SLC24A2: variants seen among roughly 807,000 people sequenced by gnomAD.
The protein encoded by SLC24A2 is sodium/potassium/calcium exchanger 2.
SLC24A2 carries 36 observed loss-of-function variants against 62.0 expected under a neutral mutation model. The ratio of observed to expected loss-of-function variants is 0.58; its 90% CI spans 0.44 to 0.77. The LOEUF (loss-of-function observed/expected upper bound fraction) is 0.77. SLC24A2 is among the 30% of genes least tolerant of loss of function. The pLI, the probability that SLC24A2 is intolerant of heterozygous loss-of-function variation, is 0.00. For missense variants in SLC24A2, 846 were observed against 817.9 expected (o/e 1.03, Z -0.42); for synonymous variants, 358 against 294.0 (o/e 1.22, Z -2.23).
At chr9:19,943,561 G>A in the SLC24A2 span, among the ~76,000 whole-genome samples, 1 of 152,012 alleles carries the variant, frequency 6.6e-6, no homozygotes, top group South Asian at 2.1e-4. Context: ...TGCACTATTA[G>A]TTGCTAGCAA....
the SLC24A2 span, among the ~76,000 whole-genome samples, chr9:20,280,436 A>G: frequency 6.6e-6 from 1 of 152,184 alleles, no homozygotes; most frequent in African/African-American, 2.4e-5. Flanking sequence ...TTAGCAGCCA[A>G]TACAGCCCTA....
At chr9:19,664,596 T>A (rs1819195954) in intron 2 of SLC24A2, among the ~76,000 whole-genome samples, 1 of 152,234 alleles carries the variant, frequency 6.6e-6, no homozygotes, top group South Asian at 2.1e-4. Context: ...TACCTGTGAA[T>A]ATGACCTTAT....
chr9:19,520,195 G>C (rs751138980), intron 10 of SLC24A2, among the ~76,000 whole-genome samples: 1 of 152,154 alleles, frequency 6.6e-6, no homozygotes, highest in Non-Finnish European at 1.5e-5. Context: ...GGGAACGTAA[G>C]GATAATGTCT....
chr9:19,828,415 T>C, the SLC24A2 span, among the ~76,000 whole-genome samples: 2 of 152,256 alleles, frequency 1.3e-5, no homozygotes, highest in East Asian at 3.9e-4. Context: ...AATAACTATT[T>C]ATTACCCATA....
At chr9:20,257,565 C>A in the SLC24A2 span, among the ~76,000 whole-genome samples, 1 of 152,142 alleles carries the variant, frequency 6.6e-6, no homozygotes, top group Non-Finnish European at 1.5e-5. Context: ...TGGAAAGAAG[C>A]ATGTTTATAA....
At chr9:20,211,632 A>AT in the SLC24A2 span, among the ~76,000 whole-genome samples, 1 of 152,250 alleles carries the variant, frequency 6.6e-6, no homozygotes, top group Admixed American at 6.5e-5. Context: ...GGTTGCAAAA[A>AT]CAAAAACTGT....
the SLC24A2 span, among the ~76,000 whole-genome samples, chr9:19,840,731 G>A: frequency 6.6e-6 from 1 of 152,208 alleles, no homozygotes; most frequent in South Asian, 2.1e-4. Context: ...CCCCAATCAA[G>A]CATACAACAT....
At chr9:19,659,996 T>G (rs1207650270) in intron 2 of SLC24A2, among the ~76,000 whole-genome samples, 1 of 152,172 alleles carries the variant, frequency 6.6e-6, no homozygotes, top group Non-Finnish European at 1.5e-5. Flanking sequence ...CAAGACTTTT[T>G]TGAATACAAA....
intron 2 of SLC24A2, among the ~76,000 whole-genome samples, chr9:19,747,044 C>A (rs1221806702): frequency 6.6e-6 from 1 of 152,080 alleles, no homozygotes; most frequent in Admixed American, 6.6e-5. Context: ...AGAGTATAAC[C>A]TCTTTTTAAA....
At chr9:19,665,594 G>C (rs1461387794) in intron 2 of SLC24A2, among the ~76,000 whole-genome samples, 1 of 152,080 alleles carries the variant, frequency 6.6e-6, no homozygotes, top group Non-Finnish European at 1.5e-5. Context: ...GACGTCGGGT[G>C]AATCATTTAA....
chr9:19,724,452 T>C (rs1047625108), intron 2 of SLC24A2, among the ~76,000 whole-genome samples: 5 of 152,214 alleles, frequency 3.3e-5, no homozygotes, highest in East Asian at 1.9e-4. Context: ...TTGCACAATT[T>C]TGATTTGTAA....
intron 2 of SLC24A2, among the ~76,000 whole-genome samples, chr9:19,630,173 T>C (rs988950830): frequency 6.6e-6 from 1 of 152,184 alleles, no homozygotes; most frequent in African/African-American, 2.4e-5. Context: ...TAGTCACATT[T>C]TATCACACAT....
the SLC24A2 span, among the ~76,000 whole-genome samples, chr9:19,925,878 G>A: frequency 6.6e-6 from 1 of 152,156 alleles, no homozygotes; most frequent in Non-Finnish European, 1.5e-5. Context: ...TGCTACACAC[G>A]TGAATCCTTT....
At chr9:19,823,265 G>A in the SLC24A2 span, among the ~76,000 whole-genome samples, 1 of 151,494 alleles carries the variant, frequency 6.6e-6, no homozygotes, top group Non-Finnish European at 1.5e-5. Context: ...AAGAATTTAT[G>A]AATACCCTCA....
At chr9:19,744,580 T>C (rs1465097648) in intron 2 of SLC24A2, among the ~76,000 whole-genome samples, 1 of 152,186 alleles carries the variant, frequency 6.6e-6, no homozygotes, top group Admixed American at 6.5e-5. Flanking sequence ...CTCCAACTGA[T>C]GTTGTCACAT....
chr9:19,878,577 T>C, the SLC24A2 span, among the ~76,000 whole-genome samples: 3 of 152,086 alleles, frequency 2.0e-5, no homozygotes, highest in South Asian at 2.1e-4. Flanking sequence ...TGGGAGGTGA[T>C]TGGATCATGG....
chr9:20,283,235 C>T, the SLC24A2 span, among the ~76,000 whole-genome samples: 253 of 152,262 alleles, frequency 1.7e-3, no homozygotes, highest in African/African-American at 5.6e-3. Context: ...TGTATTTGTC[C>T]ATTTGGATGT....
chr9:19,700,589 T>C (rs958915632), intron 2 of SLC24A2, among the ~76,000 whole-genome samples: 1 of 152,184 alleles, frequency 6.6e-6, no homozygotes, highest in African/African-American at 2.4e-5. Flanking sequence ...GCCTGAAGTT[T>C]TCCACAGAAA....
At chr9:19,949,422 G>C in the SLC24A2 span, among the ~76,000 whole-genome samples, 335 of 152,316 alleles carry the variant, frequency 2.2e-3, 1 homozygote, top group Non-Finnish European at 3.4e-3. Flanking sequence ...AAATGTATGT[G>C]ATCATACTAA....
Sources: allele counts gnomAD v4.1 joint callset (sites outside exome capture counted in the v4.1 genomes callset), GRCh38; gene constraint gnomAD v4.1.1; transcripts MANE v1.5; gene names NCBI Gene and HGNC (gene_info 2026-07-23, HGNC 2026-07-21).